Variants in BTG3 observed in about 807,000 individuals in gnomAD.
BTG3 encodes protein BTG3.
BTG3 carries 4 observed loss-of-function variants against 25.8 expected under a neutral mutation model. The ratio of observed to expected loss-of-function variants is 0.16; its 90% CI spans 0.08 to 0.36. The LOEUF (loss-of-function observed/expected upper bound fraction) is 0.36. BTG3 is among the 10% of genes least tolerant of loss of function. The pLI is 1.00. For missense variants in BTG3, 201 were observed against 304.9 expected (o/e 0.66, Z 2.54); for synonymous variants, 107 against 99.9 (o/e 1.07, Z -0.42).
At chr21:17,597,373 A>G (rs2061517431) in intron 4 of BTG3, among the ~76,000 whole-genome samples, 1 of 152,066 alleles carries the variant, frequency 6.6e-6, no homozygotes, top group Non-Finnish European at 1.5e-5. Flanking sequence ...GCAATATATA[A>G]TCCATCACAC....
intron 2 of BTG3, 40 bp downstream of exon 2, chr21:17,608,932 G>A (rs1371060481): frequency 6.3e-7 from 1 of 1,584,542 alleles, no homozygotes; most frequent in African/African-American, 1.4e-5. Context: ...CCCACCTCAG[G>A]GGTTGATCAG....
intron 2 of BTG3, chr21:17,608,657 C>T (rs1390132244): frequency 3.8e-6 from 1 of 266,244 alleles, no homozygotes. Flanking sequence ...TATTAGGGGT[C>T]CTCTAGAATT....
chr21:17,598,865 T>G (rs375478418), intron 3 of BTG3, 41 bp from the exon 4 acceptor site: 1 of 1,515,174 alleles, frequency 6.6e-7, no homozygotes, highest in South Asian at 1.2e-5. Context: ...TGAAGTCACA[T>G]CAGCAAAGCA....
At chr21:17,606,753 A>C (rs2123470789) in intron 2 of BTG3, among the ~76,000 whole-genome samples, 1 of 152,290 alleles carries the variant, frequency 6.6e-6, no homozygotes, top group East Asian at 1.9e-4. Context: ...AGTTGCATAA[A>C]AATATTCTAT....
At chr21:17,597,426 A>G (rs1276358932) in intron 4 of BTG3, among the ~76,000 whole-genome samples, 1 of 152,060 alleles carries the variant, frequency 6.6e-6, no homozygotes, top group African/African-American at 2.4e-5. Flanking sequence ...AGGTTTTTAA[A>G]AATGATCCTG....
chr21:17,594,147 T>C lies in BTG3; in HGVS notation c.705A>G (p.Gly235=), dbSNP rs2061471926. The C allele has an allele frequency of 2.5e-6, 4 of 1,613,150 alleles. No individual in the cohort carries two copies. The highest frequency in any genetic ancestry group is 3.4e-6 in the Non-Finnish European group (4 of 1,179,410). Residue 235 remains glycine (G), a synonymous_variant, in exon 5 of 5, where the codon GGA becomes GGG. Coordinates refer to ENST00000348354, the MANE Select transcript of BTG3 (RefSeq NM_006806.5). ...PIPVTWVPPP[G]MHCDRNHWIN... is the part of the protein sequence containing the mutation. ...TCCAGTGATTCCGGTCACAATGCAT[T>C]CCAGGAGGAGGTACCCATGTCACTG...
intron 4 of BTG3, among the ~76,000 whole-genome samples, chr21:17,595,299 G>C (rs2061490266): frequency 6.6e-6 from 1 of 151,812 alleles, no homozygotes; most frequent in Non-Finnish European, 1.5e-5. Flanking sequence ...TCTAAGTATA[G>C]GATTTTTTTA....
At chr21:17,595,368 G>A (rs941415359) in intron 4 of BTG3, among the ~76,000 whole-genome samples, 1 of 151,636 alleles carries the variant, frequency 6.6e-6, no homozygotes, top group Non-Finnish European at 1.5e-5. Flanking sequence ...AAGTACAAAA[G>A]GGTAAACTGT....
intron 2 of BTG3, among the ~76,000 whole-genome samples, chr21:17,606,814 G>A (rs1439683908): frequency 6.6e-6 from 1 of 152,018 alleles, no homozygotes; most frequent in East Asian, 1.9e-4. Flanking sequence ...CAATTACAAA[G>A]TGTAAGAGAC....
intron 1 of BTG3, among the ~76,000 whole-genome samples, chr21:17,610,576 T>C (rs1046487712): frequency 1.3e-5 from 2 of 152,232 alleles, no homozygotes; most frequent in Admixed American, 6.5e-5. Flanking sequence ...TGATTTATCA[T>C]TGATTAATCC....
At chr21:17,601,148 G>A (rs1467153240) in intron 3 of BTG3, among the ~76,000 whole-genome samples, 1 of 151,140 alleles carries the variant, frequency 6.6e-6, no homozygotes, top group African/African-American at 2.4e-5. Flanking sequence ...GGGCGACAGA[G>A]TGAGACTCCG....
intron 4 of BTG3, among the ~76,000 whole-genome samples, chr21:17,597,007 G>C (rs904640335): frequency 5.3e-5 from 8 of 152,046 alleles, no homozygotes; most frequent in African/African-American, 1.9e-4. Context: ...ATACTAGAAA[G>C]AAGAAAATCA....
At chr21:17,605,157 G>C (rs1293540832) in intron 2 of BTG3, 160 bp from the exon 3 acceptor site, 8 of 802,848 alleles carry the variant, frequency 1.0e-5, no homozygotes, top group African/African-American at 1.8e-5. Flanking sequence ...TAATAAATGT[G>C]AACTACAGGC....
intron 3 of BTG3, among the ~76,000 whole-genome samples, chr21:17,601,039 T>A (rs562117309): frequency 2.0e-5 from 3 of 152,070 alleles, no homozygotes; most frequent in Admixed American, 6.5e-5. Context: ...GGTGTGCGCC[T>A]GTAATCCCAG....
chr21:17,596,866 T>C (rs867915403), intron 4 of BTG3, among the ~76,000 whole-genome samples: 4 of 152,222 alleles, frequency 2.6e-5, no homozygotes, highest in Non-Finnish European at 4.4e-5. Context: ...TTTTAAGATA[T>C]GAATAATTCT....
intron 3 of BTG3, among the ~76,000 whole-genome samples, chr21:17,602,655 T>C (rs2061589057): frequency 6.6e-6 from 1 of 152,194 alleles, no homozygotes; most frequent in South Asian, 2.1e-4. Flanking sequence ...GAGCCAATTT[T>C]TGGCAAATTT....
At chr21:17,594,370 A>G (rs1185756181) in intron 4 of BTG3, 38 bp from the exon 5 acceptor site, 2 of 1,580,686 alleles carry the variant, frequency 1.3e-6, no homozygotes, top group Admixed American at 1.8e-5. Flanking sequence ...ATTCAAAGGA[A>G]AAAATCATCA....
chr21:17,594,164 A>T lies in BTG3; in HGVS notation c.688T>A (p.Trp230Arg). Residue 230 changes from tryptophan to arginine, a missense_variant, in exon 5 of 5, where the codon TGG (tryptophan) becomes AGG (arginine). By Grantham distance (101) the Trp-to-Arg change is moderately radical. Transcript: ENST00000348354. ...CAATGCATTCCAGGAGGAGGTACCC[A>T]TGTCACTGGAATTGGGCGATATGGT... is the stretch of plus-strand genomic sequence containing the variant. ...NKPYRPIPVT[W>R]VPPPGMHCDR... The T allele has an allele frequency of 6.2e-7, 1 of 1,613,250 alleles. No individual in the cohort carries two copies. The highest frequency in any genetic ancestry group is 8.5e-7 in the Non-Finnish European group (1 of 1,179,384).
intron 4 of BTG3, among the ~76,000 whole-genome samples, chr21:17,596,594 A>G (rs1415185143): frequency 1.3e-5 from 2 of 152,028 alleles, no homozygotes; most frequent in African/African-American, 4.8e-5. Flanking sequence ...AAAAAAGACT[A>G]ACTGTATGTA....
Sources: allele counts gnomAD v4.1 joint callset (sites outside exome capture counted in the v4.1 genomes callset), GRCh38; gene constraint gnomAD v4.1.1; transcripts MANE v1.5; gene names NCBI Gene and HGNC (gene_info 2026-07-23, HGNC 2026-07-21).